The following ANK1 variants were observed in gnomAD, a reference collection of about 807,000 sequenced individuals.
ANK1 encodes the protein ankyrin-1.
A neutral mutation model predicts 210.4 loss-of-function variants in ANK1; 51 were observed. The ratio of observed to expected loss-of-function variants is 0.24; its 90% confidence interval spans 0.19 to 0.31. ANK1 has a LOEUF of 0.31. Among genes scored for constraint, ANK1 ranks in the 10% least tolerant of loss-of-function variants. ANK1 has a pLI of 1.00. For synonymous variants in ANK1, 967 were observed against 1,025.9 expected, an observed-to-expected ratio of 0.94 and a Z score of 1.10; for missense variants, 2,051 against 2,504.4, an observed-to-expected ratio of 0.82 and a Z score of 3.86.
intron 1 of ANK1, among the ~76,000 whole-genome samples, chr8:41,840,947 A>G: frequency 6.6e-6 from 1 of 152,170 alleles, no homozygotes; most frequent in East Asian, 1.9e-4. Flanking sequence ...TTATCCACTG[A>G]TGGGGAATGA....
At chr8:41,678,097 T>A (rs114246337) in intron 37 of ANK1, among the ~76,000 whole-genome samples, 1 of 152,304 alleles carries the variant, frequency 6.6e-6, no homozygotes, top group Admixed American at 6.5e-5. Flanking sequence ...TATGTCTTCA[T>A]GATTTTTATC....
intron 38 of ANK1, 113 bp from the exon 39 acceptor site, chr8:41,668,677 C>A: frequency 8.3e-7 from 1 of 1,210,860 alleles, no homozygotes; most frequent in Admixed American, 2.5e-5. Flanking sequence ...TCTGGCTCAT[C>A]AAGGACACAG....
At chr8:41,675,513 C>T (rs1813840226) in intron 37 of ANK1, among the ~76,000 whole-genome samples, 1 of 152,228 alleles carries the variant, frequency 6.6e-6, no homozygotes, top group Non-Finnish European at 1.5e-5. Context: ...GGTTTAGCAA[C>T]TTGCGGAAGG....
intron 1 of ANK1, among the ~76,000 whole-genome samples, chr8:41,889,667 C>T (rs913433368): frequency 1.6e-4 from 25 of 152,166 alleles, no homozygotes; most frequent in South Asian, 1.0e-3. Context: ...AGAGAGTCTC[C>T]GCCAGAGGAA....
chr8:41,763,782 G>T lies in ANK1; in HGVS notation c.28-5645C>A, dbSNP rs568912421. Among the ~76,000 whole-genome samples, 5 of 151,856 alleles carry T rather than the reference G, an allele frequency of 3.3e-5. No homozygotes were observed. The South Asian group carries it at 1.0e-3, about 32-fold the overall frequency. On this transcript the variant is annotated intron_variant, in intron 1 of 42. Coordinates refer to ENST00000289734, the MANE Select transcript of ANK1 (RefSeq NM_000037.4). ...CCTTCTTGTCACTGAGGATAAAATT[G>T]AGGCCCAGGGAAGTAAAGTGACCGG...
intron 1 of ANK1, among the ~76,000 whole-genome samples, chr8:41,894,111 C>T (rs1334961593): frequency 1.3e-5 from 2 of 152,206 alleles, no homozygotes; most frequent in Middle Eastern, 3.4e-3. Context: ...ACTCACAGCC[C>T]TTACAAAATA....
intron 2 of ANK1, 63 bp from the exon 3 acceptor site, chr8:41,734,132 G>C (rs193070069): frequency 1.4e-6 from 2 of 1,406,116 alleles, no homozygotes; most frequent in Non-Finnish European, 2.0e-6. Flanking sequence ...GCACGTCCCA[G>C]TGGGGGCCCA....
intron 1 of ANK1, chr8:41,828,983 C>G (rs1211692642): frequency 6.6e-6 from 1 of 152,288 alleles, no homozygotes; most frequent in Non-Finnish European, 1.5e-5. Flanking sequence ...CTGGCGCCCT[C>G]TAGGCCATCT....
chr8:41,860,567 C>A (rs550640602), intron 1 of ANK1, among the ~76,000 whole-genome samples: 1 of 152,312 alleles, frequency 6.6e-6, no homozygotes, highest in African/African-American at 2.4e-5. Flanking sequence ...TACTTAACCT[C>A]TCTGAACCTC....
chr8:41,694,169 C>A lies in ANK1; in HGVS notation c.3328-67G>T. The A allele has an allele frequency of 6.6e-7, 1 of 1,518,308 alleles. No homozygotes were observed. Among genetic ancestry groups the A allele is most frequent in the Non-Finnish European group, 9.0e-7 (1 of 1,110,220 alleles). 94.1% of individuals were successfully genotyped at this position (1,518,308 alleles called of 1,614,324 possible). A position where few individuals can be genotyped will look rare whatever the true frequency, so the allele number is the denominator to read the frequency against. ...GAGGGGCTAATCAGACGGGAGGCAG[C>A]TCCATGCCTGGTGAGAGTGGCCGTC... On this transcript the variant is annotated intron_variant, in intron 28 of 42. Transcript: ENST00000289734. This position sits in a 1 kb window ranked among gnomAD's most constrained non-coding sequence, Gnocchi z 5.7.
rs962023076 is a variant in ANK1, at chr8:41,778,018, G to A, written c.27+19494C>T. ...GCCTCTACTGCCTCAAGTGCTTTTC[G>A]GGTGAGGGTCACAGAGATAAAGTCT... On this transcript the variant is annotated intron_variant, in intron 1 of 42. Transcript: ENST00000289734. Among the ~76,000 whole-genome samples the A allele has an allele frequency of 3.9e-5, 6 of 152,258 alleles. No homozygotes were observed. In the South Asian group the frequency reaches 6.2e-4, roughly 16 times the overall value.
At chr8:41,806,054 A>G (rs1319791806) in intron 1 of ANK1, among the ~76,000 whole-genome samples, 1 of 152,248 alleles carries the variant, frequency 6.6e-6, no homozygotes, top group Admixed American at 6.5e-5. Context: ...CAAGAGAGGG[A>G]AAGTGAAAAA....
At position 41,654,873 on chromosome 8, in the gene ANK1, G is replaced by A. The variant is rs1437703118; in HGVS notation, c.*917C>T. The stretch of plus-strand genomic sequence containing the variant: ...GGCCTGTCCCCCAACTGAGAGAGGA[G>A]ACCCTTTCAGATGGGGTCCTGGCTC... On this transcript the variant is annotated 3_prime_UTR_variant, in exon 43 of 43. Coordinates refer to ENST00000289734, the MANE Select transcript of ANK1 (RefSeq NM_000037.4). The A allele has an allele frequency of 1.3e-5, 2 of 152,638 alleles. No homozygotes were observed. The highest frequency in any genetic ancestry group is 4.8e-5 in the African/African-American group (2 of 41,444). The allele number at this position is 152,638 out of a possible 1,614,324, so 9.5% of individuals were successfully genotyped here. A position where few individuals can be genotyped will look rare whatever the true frequency, so the allele number is the denominator to read the frequency against.
At chr8:41,859,464 A>G (rs1447489097) in intron 1 of ANK1, among the ~76,000 whole-genome samples, 1 of 152,140 alleles carries the variant, frequency 6.6e-6, no homozygotes, top group Non-Finnish European at 1.5e-5. Flanking sequence ...CTCTTGCTTC[A>G]GCGTCTTGAG....
intron 1 of ANK1, among the ~76,000 whole-genome samples, chr8:41,765,987 C>T (rs1841703377): frequency 6.6e-6 from 1 of 152,180 alleles, no homozygotes; most frequent in African/African-American, 2.4e-5. Context: ...TAGGACAAAT[C>T]ATGACTGACC....
At chr8:41,802,127 C>A (rs976962900), upstream of ANK1, among the ~76,000 whole-genome samples, 4 of 152,106 alleles carry the variant, frequency 2.6e-5, no homozygotes, top group African/African-American at 9.7e-5. Context: ...ATAGCTGGGA[C>A]TACAGGCACT....
chr8:41,714,182 C>T lies in ANK1; in HGVS notation c.1774G>A (p.Gly592Ser). The T allele has an allele frequency of 6.9e-7, 1 of 1,459,694 alleles. No individual in the cohort carries two copies. The highest frequency in any genetic ancestry group is 9.2e-7 in the Non-Finnish European group (1 of 1,090,042). 90.4% of individuals were successfully genotyped at this position (1,459,694 alleles called of 1,614,324 possible). The change falls in exon 16 of 43, where the codon GGC becomes AGC. Residue 592 changes from glycine (G) to serine (S), a missense_variant. By Grantham distance (56) the Gly-to-Ser change is moderately conservative. Coordinates refer to ENST00000289734, the MANE Select transcript of ANK1 (RefSeq NM_000037.4). ...LDIVKLLLPR[G>S]GSPHSPAWNG... ...CAGGCAGGGCTGTGCGGGGAGCCGC[C>T]CCGGGGAAGCAGCAGCTTGACGATG...
intron 1 of ANK1, among the ~76,000 whole-genome samples, chr8:41,877,404 G>A (rs1006024881): frequency 6.6e-5 from 10 of 152,236 alleles, no homozygotes; most frequent in African/African-American, 1.9e-4. Flanking sequence ...GACCCTGGGC[G>A]AGTTGCTGAA....
intron 1 of ANK1, among the ~76,000 whole-genome samples, chr8:41,876,612 C>A (rs1259085749): frequency 6.6e-6 from 1 of 152,218 alleles, no homozygotes; most frequent in African/African-American, 2.4e-5. Flanking sequence ...TACGCGCTGT[C>A]CTTCACACCT....
Sources: allele counts gnomAD v4.1 joint callset (sites outside exome capture counted in the v4.1 genomes callset), GRCh38; gene constraint gnomAD v4.1.1; non-coding constraint Gnocchi (gnomAD v3.1); transcripts MANE v1.5; gene names NCBI Gene and HGNC (gene_info 2026-07-23, HGNC 2026-07-21).